CLTCL1: variants seen among roughly 807,000 people sequenced by gnomAD.
The protein encoded by CLTCL1 is clathrin heavy chain like 1, also known as clathrin heavy chain 2.
Under a neutral mutation model 190.0 loss-of-function variants are expected in CLTCL1, and 159 were observed. The ratio of observed to expected loss-of-function variants is 0.84; its 90% confidence interval spans 0.74 to 0.95. CLTCL1 has a LOEUF of 0.95. Among genes scored for constraint, CLTCL1 ranks in the 40% least tolerant of loss-of-function variants. The pLI is 0.00. For missense variants in CLTCL1, 1,878 were observed against 2,033.4 expected, an observed-to-expected ratio of 0.92 and a Z score of 1.47; for synonymous variants, 752 against 769.6, an observed-to-expected ratio of 0.98 and a Z score of 0.38.
chr22:19,230,305 T>C (rs2085881795), intron 10 of CLTCL1, among the ~76,000 whole-genome samples: 2 of 152,086 alleles, frequency 1.3e-5, no homozygotes, highest in Non-Finnish European at 2.9e-5. Context: ...GGTTTCACCA[T>C]GTTGGTCAGG....
intron 18 of CLTCL1, among the ~76,000 whole-genome samples, chr22:19,217,615 C>CAAAAAAAAAAA (rs71184793): frequency 6.0e-4 from 21 of 34,770 alleles, no homozygotes; most frequent in Non-Finnish European, 1.0e-3. Context: ...GACTCTGTCT[C>CAAAAAAAAAAA]AAAAAAAAAA....
chr22:19,264,000 C>T (rs1396605888), intron 2 of CLTCL1, among the ~76,000 whole-genome samples: 1 of 151,866 alleles, frequency 6.6e-6, no homozygotes, highest in Non-Finnish European at 1.5e-5. Flanking sequence ...ACAAATAGTC[C>T]AGTTAAAAAA....
At chr22:19,272,398 G>A (rs1318387257) in intron 2 of CLTCL1, among the ~76,000 whole-genome samples, 1 of 152,172 alleles carries the variant, frequency 6.6e-6, no homozygotes, top group Non-Finnish European at 1.5e-5. Context: ...GCACTTGGGA[G>A]TTCACGGCCA....
chr22:19,269,946 T>TAAAAAA (rs1569244208), intron 2 of CLTCL1, among the ~76,000 whole-genome samples: 1 of 93,780 alleles, frequency 1.1e-5, no homozygotes. Context: ...TAAAGTAAAA[T>TAAAAAA]TAAAAAAAAA....
At chr22:19,229,638 G>A (rs1378080862) in intron 11 of CLTCL1, among the ~76,000 whole-genome samples, 200 bp downstream of exon 11, 1 of 152,178 alleles carries the variant, frequency 6.6e-6, no homozygotes, top group Non-Finnish European at 1.5e-5. Flanking sequence ...GCCCTAATTA[G>A]AACTGTTTCC....
intron 24 of CLTCL1, among the ~76,000 whole-genome samples, chr22:19,199,443 C>T (rs1403229368): frequency 1.3e-5 from 2 of 152,266 alleles, no homozygotes; most frequent in East Asian, 1.9e-4. Context: ...GGGTTGTTCC[C>T]GTCATGCAAG....
At chr22:19,209,974 C>T (rs2085167311) in intron 20 of CLTCL1, among the ~76,000 whole-genome samples, 1 of 151,818 alleles carries the variant, frequency 6.6e-6, no homozygotes, top group Admixed American at 6.6e-5. Context: ...GTGCAGAGGG[C>T]TGGAATGGTT....
rs2085582440 is a variant in CLTCL1 at position 19,221,879 on chromosome 22, A to G, written c.2561+72T>C. 3 of 1,537,432 alleles carry G rather than the reference A, an allele frequency of 2.0e-6. No individual in the cohort carries two copies. In the African/African-American group the frequency reaches 4.1e-5, roughly 21 times the overall value. On this transcript the variant is annotated intron_variant, in intron 16 of 32. Coordinates refer to ENST00000427926, the MANE Select transcript of CLTCL1 (RefSeq NM_007098.4). The stretch of plus-strand genomic sequence containing the variant: ...CGACCAGCTATAGAGACAGTCCTGG[A>G]GAATTAGACAGAAACAACAACAGAC...
At chr22:19,269,567 T>C (rs2087235560) in intron 2 of CLTCL1, among the ~76,000 whole-genome samples, 1 of 152,070 alleles carries the variant, frequency 6.6e-6, no homozygotes, top group African/African-American at 2.4e-5. Flanking sequence ...GACTGGAAAA[T>C]GTGGTACATA....
chr22:19,203,456 T>C (rs2084958595), intron 22 of CLTCL1, among the ~76,000 whole-genome samples: 1 of 152,332 alleles, frequency 6.6e-6, no homozygotes, highest in South Asian at 2.1e-4. Flanking sequence ...CCTGTCTTCC[T>C]ATTCTCTCTG....
rs148441754 is a variant in CLTCL1 at position 19,265,854 on chromosome 22, A to G, written c.250+9769T>C. ...GCCAGAAGTAGGGTTTTTCAAAACA[A>G]TCAAGAAAACTAACAAATCTTATTT... On this transcript the variant is annotated intron_variant, in intron 2 of 32. Transcript: ENST00000427926. 2.4e-3 allele frequency among the ~76,000 whole-genome samples: 368 copies of G among 152,266 alleles called. 2 individuals are homozygous for G. The highest frequency in any genetic ancestry group is 8.6e-3 in the African/African-American group (357 of 41,552).
At chr22:19,259,411 CA>C (rs1355977146) in intron 2 of CLTCL1, among the ~76,000 whole-genome samples, 17 of 150,882 alleles carry the variant, frequency 1.1e-4, no homozygotes, top group African/African-American at 3.9e-4. Context: ...TGAACAACAA[CA>C]ACAAAAAAAA....
Position 19,235,722 on chromosome 22 carries a change from T to G in CLTCL1, c.943A>C (p.Ile315Leu), listed in dbSNP as rs1555961671. ...TGTCCCTTTTTGTTGACACCAATAA[T>G]TCCAGAGGTTGGTTTGTGTGGAGCA... ...VTAPHKPTSG[I>L]IGVNKKGQVL... Residue 315 changes from isoleucine to leucine, a missense_variant, in exon 6 of 33, where the codon ATT becomes CTT. Physicochemically the swap from Ile to Leu is conservative, Grantham distance 5. Coordinates refer to ENST00000427926, the MANE Select transcript of CLTCL1 (RefSeq NM_007098.4). 2.5e-6 allele frequency: 4 copies of G among 1,613,494 alleles called. No individual in the cohort carries two copies. Among genetic ancestry groups the G allele is most frequent in the Non-Finnish European group, 2.5e-6 (3 of 1,179,744 alleles).
chr22:19,180,290 C>A, intron 31 of CLTCL1, 52 bp from the exon 32 acceptor site: 2 of 1,603,284 alleles, frequency 1.2e-6, no homozygotes, highest in Non-Finnish European at 1.7e-6. Flanking sequence ...CAGCCGGACG[C>A]TGGAGACCCG....
At chr22:19,187,221 T>C (rs1342222669) in intron 29 of CLTCL1, among the ~76,000 whole-genome samples, 1 of 152,084 alleles carries the variant, frequency 6.6e-6, no homozygotes, top group Non-Finnish European at 1.5e-5. Context: ...CAAATCTTGA[T>C]AGGAAGTAAA....
chr22:19,180,293 G>A (rs1232290204), intron 31 of CLTCL1, 55 bp from the exon 32 acceptor site: 13 of 1,596,824 alleles, frequency 8.1e-6, no homozygotes, highest in African/African-American at 1.3e-5. Flanking sequence ...CCGGACGCTG[G>A]AGACCCGCCG....
intron 26 of CLTCL1, among the ~76,000 whole-genome samples, chr22:19,194,629 T>C (rs2146273003): frequency 6.6e-6 from 1 of 152,028 alleles, no homozygotes; most frequent in Admixed American, 6.5e-5. Flanking sequence ...GACCACTTGG[T>C]CGGGAGGAAA....
intron 30 of CLTCL1, chr22:19,183,148 G>A: frequency 4.0e-6 from 2 of 501,896 alleles, no homozygotes; most frequent in South Asian, 2.1e-5. Flanking sequence ...CCCAGCCAGA[G>A]TCTACAGGAG....
At chr22:19,258,864 TA>T (rs1241236205) in intron 2 of CLTCL1, 128 of 503,690 alleles carry the variant, frequency 2.5e-4, no homozygotes, top group African/African-American at 6.1e-4. Flanking sequence ...GTTCACAGGT[TA>T]AAAAAAACCC....
Sources: allele counts gnomAD v4.1 joint callset (sites outside exome capture counted in the v4.1 genomes callset), GRCh38; gene constraint gnomAD v4.1.1; transcripts MANE v1.5; gene names NCBI Gene and HGNC (gene_info 2026-07-23, HGNC 2026-07-21).